The following SRPK2 variants were observed in gnomAD, a reference collection of about 807,000 sequenced individuals.
SRPK2 encodes the protein SFRS protein kinase 2.
A neutral mutation model predicts 90.8 loss-of-function variants in SRPK2; 21 were observed. That is an observed-to-expected ratio of 0.23 (90% CI 0.16 to 0.33). SRPK2 has a LOEUF of 0.33. SRPK2 is among the 10% of genes least tolerant of loss of function. The pLI is 1.00. For synonymous variants in SRPK2, 288 were observed against 311.1 expected (o/e 0.93, Z 0.78); for missense variants, 620 against 869.0 (o/e 0.71, Z 3.60).
At chr7:105,359,812 T>A (rs1367540509) in intron 2 of SRPK2, among the ~76,000 whole-genome samples, 1 of 152,180 alleles carries the variant, frequency 6.6e-6, no homozygotes, top group Non-Finnish European at 1.5e-5. Context: ...GTGATCAATT[T>A]TAGAATAAGT....
chr7:105,283,272 T>C (rs1037239979), intron 2 of SRPK2, among the ~76,000 whole-genome samples: 99 of 152,312 alleles, frequency 6.5e-4, no homozygotes, highest in African/African-American at 2.3e-3. Context: ...GACCCAACAA[T>C]TCTCCTCCTA....
intron 3 of SRPK2, among the ~76,000 whole-genome samples, chr7:105,175,142 A>C (rs1791673451): frequency 6.6e-6 from 1 of 150,584 alleles, no homozygotes; most frequent in Admixed American, 6.6e-5. Context: ...TCCGTTTCAA[A>C]AAAAAAAAAA....
chr7:105,168,117 G>C, intron 4 of SRPK2, 22 bp from the exon 5 acceptor site: 1 of 1,565,792 alleles, frequency 6.4e-7, no homozygotes, highest in Non-Finnish European at 8.7e-7. Context: ...AACAAAAAAA[G>C]AGTCTATTTA....
chr7:105,261,148 A>C (rs1804216486), intron 2 of SRPK2, among the ~76,000 whole-genome samples: 1 of 152,148 alleles, frequency 6.6e-6, no homozygotes, highest in Non-Finnish European at 1.5e-5. Context: ...TGGCACAGAG[A>C]TGGAAAGTGT....
At chr7:105,349,642 C>T (rs538671845) in intron 2 of SRPK2, among the ~76,000 whole-genome samples, 14 of 152,126 alleles carry the variant, frequency 9.2e-5, no homozygotes, top group African/African-American at 3.1e-4. Context: ...TGTGAAAGTC[C>T]TAGGGTCAAG....
intron 2 of SRPK2, among the ~76,000 whole-genome samples, chr7:105,209,921 A>G (rs1796652772): frequency 1.3e-5 from 2 of 152,322 alleles, no homozygotes; most frequent in South Asian, 4.1e-4. Flanking sequence ...AAAAAACTTA[A>G]AAATATTTTT....
chr7:105,359,510 T>G (rs1818190326), intron 2 of SRPK2, among the ~76,000 whole-genome samples: 1 of 152,084 alleles, frequency 6.6e-6, no homozygotes, highest in African/African-American at 2.4e-5. Context: ...GCTTATCAAC[T>G]TCACAGTAAA....
At chr7:105,346,651 G>A (rs1422916643) in intron 2 of SRPK2, among the ~76,000 whole-genome samples, 1 of 152,046 alleles carries the variant, frequency 6.6e-6, no homozygotes, top group Non-Finnish European at 1.5e-5. Flanking sequence ...CTACTCGGAA[G>A]GCTGAGGCAG....
At chr7:105,121,446 A>T (rs1272267210) in intron 15 of SRPK2, among the ~76,000 whole-genome samples, 1 of 152,146 alleles carries the variant, frequency 6.6e-6, no homozygotes, top group Non-Finnish European at 1.5e-5. Flanking sequence ...GCAAATAACT[A>T]GACAACTGTG....
intron 2 of SRPK2, among the ~76,000 whole-genome samples, chr7:105,229,321 G>A (rs1455274677): frequency 2.0e-5 from 3 of 152,038 alleles, no homozygotes; most frequent in Admixed American, 6.5e-5. Flanking sequence ...AAAATTAGCC[G>A]GGCATAGCGG....
intron 11 of SRPK2, among the ~76,000 whole-genome samples, chr7:105,140,493 C>G (rs1432633675): frequency 1.3e-5 from 2 of 150,844 alleles, no homozygotes; most frequent in Non-Finnish European, 3.0e-5. Context: ...CCCAGCTGCT[C>G]GGGAGACTGA....
intron 2 of SRPK2, among the ~76,000 whole-genome samples, chr7:105,252,449 C>G (rs988669875): frequency 2.6e-5 from 4 of 152,088 alleles, no homozygotes; most frequent in African/African-American, 9.7e-5. Flanking sequence ...AGTTCACTGG[C>G]GTTCTCATCT....
chr7:105,344,710 A>ACCC lies in SRPK2; in HGVS notation c.71+43935_71+43937dup, dbSNP rs201600859. On this transcript the variant is annotated intron_variant, in intron 2 of 15. Coordinates refer to ENST00000393651, the MANE Select transcript of SRPK2 (RefSeq NM_182692.3). ...TCTAACTTAAAGATTTGACTATACA[A>ACCC]CCCTTCCACTATTCCATATTTCCAA... 2.4e-3 allele frequency among the ~76,000 whole-genome samples: 364 copies of ACCC among 151,840 alleles called. 9 individuals are homozygous for ACCC. The East Asian group carries it at 0.047, about 20-fold the overall frequency.
intron 2 of SRPK2, among the ~76,000 whole-genome samples, chr7:105,346,871 A>C (rs899729378): frequency 1.3e-4 from 20 of 151,498 alleles, no homozygotes; most frequent in African/African-American, 4.4e-4. Flanking sequence ...AAAAAAAAAA[A>C]AAAACTTTAT....
intron 7 of SRPK2, among the ~76,000 whole-genome samples, chr7:105,156,468 T>G (rs1011106570): frequency 5.3e-5 from 8 of 152,206 alleles, no homozygotes; most frequent in Non-Finnish European, 1.2e-4. Flanking sequence ...CATTACATCT[T>G]TACAATAAAC....
chr7:105,120,056 TTAG>T (rs751868841), intron 15 of SRPK2, among the ~76,000 whole-genome samples: 21 of 152,320 alleles, frequency 1.4e-4, no homozygotes, highest in South Asian at 6.2e-4. Flanking sequence ...TCAGCTTTTG[TTAG>T]TAGGTTATTT....
intron 11 of SRPK2, among the ~76,000 whole-genome samples, chr7:105,137,891 C>G (rs1803116322): frequency 1.3e-5 from 2 of 152,192 alleles, no homozygotes; most frequent in South Asian, 2.1e-4. Flanking sequence ...GTGCAAGACT[C>G]TAGGCTTATA....
chr7:105,214,650 A>C (rs1797235268), intron 2 of SRPK2, among the ~76,000 whole-genome samples: 1 of 151,546 alleles, frequency 6.6e-6, no homozygotes, highest in Non-Finnish European at 1.5e-5. Flanking sequence ...TAAATTAAAC[A>C]AAAGAAGTTT....
chr7:105,371,768 A>G (rs1819720571), intron 2 of SRPK2, among the ~76,000 whole-genome samples: 1 of 152,108 alleles, frequency 6.6e-6, no homozygotes. Context: ...ACTGTGGGAA[A>G]TATGATGTTC....
Sources: gnomAD v4.1 joint callset for allele counts (sites outside exome capture counted in the v4.1 genomes callset) on GRCh38, gnomAD v4.1.1 for gene constraint, MANE v1.5 for transcripts, NCBI Gene and HGNC (gene_info 2026-07-23, HGNC 2026-07-21) for gene names.